The following DOCK1 variants were observed in gnomAD, a reference collection of about 807,000 sequenced individuals.
DOCK1 encodes dedicator of cytokinesis 1, also known as dedicator of cytokinesis protein 1.
A neutral mutation model predicts 262.7 loss-of-function variants in DOCK1; 138 were observed. That is an observed-to-expected ratio of 0.53 (90% CI 0.46 to 0.61). The LOEUF is 0.61. Among genes scored for constraint, DOCK1 ranks in the 20% least tolerant of loss-of-function variants. The pLI, the probability that DOCK1 is intolerant of heterozygous loss-of-function variation, is 0.00. For missense variants in DOCK1, 1,908 were observed against 2,370.7 expected (o/e 0.80, Z 4.05); for synonymous variants, 866 against 867.4 (o/e 1.00, Z 0.03).
At chr10:127,219,165 T>C (rs1564912149) in intron 27 of DOCK1, among the ~76,000 whole-genome samples, 2 of 152,208 alleles carry the variant, frequency 1.3e-5, no homozygotes, top group Admixed American at 6.5e-5. Context: ...AAGTTTTCCT[T>C]TCAGGAGAAA....
At chr10:127,043,275 ACT>A in intron 21 of DOCK1, 111 bp downstream of exon 21, 1 of 819,944 alleles carries the variant, frequency 1.2e-6, no homozygotes, top group Non-Finnish European at 1.9e-6. Context: ...CCTGCTCAAA[ACT>A]CTGAGTTTAC....
At chr10:127,335,223 C>T (rs1038588005) in intron 29 of DOCK1, among the ~76,000 whole-genome samples, 3 of 152,196 alleles carry the variant, frequency 2.0e-5, no homozygotes, top group African/African-American at 7.2e-5. Flanking sequence ...GCTTTACTCA[C>T]AATCTGGAGG....
chr10:127,249,428 TATATACAC>T (rs1218800873), intron 28 of DOCK1, among the ~76,000 whole-genome samples: 8 of 59,156 alleles, frequency 1.4e-4, no homozygotes, highest in Admixed American at 6.2e-4. Context: ...TGTACATATA[TATATACAC>T]ACACACACAC....
At chr10:127,091,700 G>C (rs938797291) in intron 23 of DOCK1, among the ~76,000 whole-genome samples, 2 of 152,222 alleles carry the variant, frequency 1.3e-5, no homozygotes, top group African/African-American at 4.8e-5. Flanking sequence ...CCTTCCCAGA[G>C]AAGAGCGTGT....
chr10:127,318,847 T>C (rs926893259), intron 29 of DOCK1, among the ~76,000 whole-genome samples: 5 of 152,000 alleles, frequency 3.3e-5, no homozygotes, highest in African/African-American at 1.2e-4. Flanking sequence ...GTGTTATGAA[T>C]AGAAATAGAT....
intron 27 of DOCK1, among the ~76,000 whole-genome samples, chr10:127,213,991 C>T (rs912846681): frequency 1.3e-5 from 2 of 152,196 alleles, no homozygotes; most frequent in East Asian, 1.9e-4. Flanking sequence ...AGGCACCCGC[C>T]ACCATGCCTG....
At chr10:127,427,692 G>A (rs148061739) in intron 47 of DOCK1, among the ~76,000 whole-genome samples, 17 of 152,272 alleles carry the variant, frequency 1.1e-4, no homozygotes, top group African/African-American at 3.9e-4. Context: ...GAGCTTCTCC[G>A]CCTCTTTCCC....
intron 15 of DOCK1, chr10:127,025,096 A>C (rs2042734889): frequency 5.3e-6 from 1 of 188,608 alleles, no homozygotes; most frequent in Non-Finnish European, 1.1e-5. Flanking sequence ...CCAAACAAAA[A>C]AACCGAGCTG....
chr10:127,023,680 C>T (rs778773210), intron 14 of DOCK1, among the ~76,000 whole-genome samples: 13 of 151,524 alleles, frequency 8.6e-5, no homozygotes, highest in African/African-American at 1.2e-4. Context: ...TCAAATAATC[C>T]GCCCGCCTTG....
At chr10:127,324,151 G>A (rs1333632808) in intron 29 of DOCK1, among the ~76,000 whole-genome samples, 1 of 152,190 alleles carries the variant, frequency 6.6e-6, no homozygotes, top group Non-Finnish European at 1.5e-5. Flanking sequence ...GCCCACGGTG[G>A]GGGAGAATCC....
intron 49 of DOCK1, among the ~76,000 whole-genome samples, chr10:127,442,780 T>C (rs1305481263): frequency 3.3e-5 from 5 of 152,242 alleles, no homozygotes; most frequent in Non-Finnish European, 7.3e-5. Flanking sequence ...AATTCTGCCA[T>C]GGAACAGGCC....
chr10:127,346,436 A>T (rs1002359341), intron 31 of DOCK1, among the ~76,000 whole-genome samples: 1 of 152,146 alleles, frequency 6.6e-6, no homozygotes, highest in Non-Finnish European at 1.5e-5. Context: ...TCTCCACAAA[A>T]AATACAAAAA....
rs369114333 is a variant in DOCK1, at chr10:127,004,671, C to G, written c.986-4061C>G. 2.0e-5 allele frequency among the ~76,000 whole-genome samples: 3 copies of G among 151,730 alleles called. No individual in the cohort carries two copies. In the East Asian group the frequency reaches 5.9e-4, roughly 30 times the overall value. ...GGCTGAGGTGGGGGGATCACCTGAG[C>G]CTAGGGAGGTTGAGACTGCAAATGA... On this transcript the variant is annotated intron_variant, in intron 10 of 51. Transcript: ENST00000623213.
At chr10:127,351,559 A>G (rs953865012) in intron 31 of DOCK1, among the ~76,000 whole-genome samples, 4 of 151,920 alleles carry the variant, frequency 2.6e-5, no homozygotes, top group East Asian at 3.9e-4. Context: ...GAGGATGGCC[A>G]TGTCATTTTG....
chr10:127,305,267 T>C (rs191626319), intron 29 of DOCK1, among the ~76,000 whole-genome samples: 5 of 152,240 alleles, frequency 3.3e-5, no homozygotes, highest in African/African-American at 1.2e-4. Flanking sequence ...GGAGAATTGG[T>C]ATTAAGTAAG....
intron 27 of DOCK1, among the ~76,000 whole-genome samples, chr10:127,240,453 G>A (rs2059225139): frequency 6.6e-6 from 1 of 152,042 alleles, no homozygotes; most frequent in South Asian, 2.1e-4. Context: ...TATGGGAAAG[G>A]TTTTATGAGT....
At chr10:127,122,336 C>A (rs2049645401) in intron 25 of DOCK1, among the ~76,000 whole-genome samples, 1 of 152,168 alleles carries the variant, frequency 6.6e-6, no homozygotes, top group Admixed American at 6.5e-5. Flanking sequence ...GGCAGACTGA[C>A]CTTTGGCCTT....
At chr10:127,099,779 T>C (rs748978978) in intron 23 of DOCK1, among the ~76,000 whole-genome samples, 5 of 152,092 alleles carry the variant, frequency 3.3e-5, no homozygotes, top group Non-Finnish European at 5.9e-5. Context: ...GCATGAGAGA[T>C]GGAGAGGACA....
At chr10:127,309,367 A>G (rs1460528223) in intron 29 of DOCK1, among the ~76,000 whole-genome samples, 1 of 151,670 alleles carries the variant, frequency 6.6e-6, no homozygotes, top group African/African-American at 2.4e-5. Context: ...GATTGCAAAA[A>G]TTTTCTCCCA....
Sources: gnomAD v4.1 joint callset for allele counts (sites outside exome capture counted in the v4.1 genomes callset) on GRCh38, gnomAD v4.1.1 for gene constraint, MANE v1.5 for transcripts, NCBI Gene and HGNC (gene_info 2026-07-23, HGNC 2026-07-21) for gene names.